RRM2: variants seen among roughly 807,000 people sequenced by gnomAD.
RRM2 encodes the protein ribonucleotide reductase regulatory subunit M2, also known as ribonucleoside-diphosphate reductase subunit M2.
A neutral mutation model predicts 45.9 loss-of-function variants in RRM2; 6 were observed. The ratio of observed to expected loss-of-function variants is 0.13; its 90% CI spans 0.07 to 0.26. RRM2 has a LOEUF of 0.26. Among genes scored for constraint, RRM2 ranks in the 10% least tolerant of loss-of-function variants. The pLI is 1.00. For synonymous variants in RRM2, 177 were observed against 173.0 expected (o/e 1.02, Z -0.18); for missense variants, 343 against 489.5 (o/e 0.70, Z 2.82).
rs192109952 is a variant in RRM2 at position 10,189,241 on chromosome 2, C to T, written n.483-21070C>T. 1.2e-3 allele frequency among the ~76,000 whole-genome samples: 189 copies of T among 152,346 alleles called. 2 individuals are homozygous for T. Among genetic ancestry groups the T allele is most frequent in the African/African-American group, 4.0e-3 (167 of 41,576 alleles). On this transcript the variant is annotated intron_variant and non_coding_transcript_variant, in intron 3 of 3. Coordinates refer to the RRM2 transcript ENST00000381786. The stretch of plus-strand genomic sequence containing the variant: ...AGTGGGCCAGCCCCCTCCCTTCCTG[C>T]GGGCAGTGGCCCCTGCTCTTCAGGG...
chr2:10,196,227 G>A (rs926516006), intron 3 of RRM2, among the ~76,000 whole-genome samples: 7 of 152,190 alleles, frequency 4.6e-5, no homozygotes, highest in Admixed American at 6.5e-5. Context: ...GACAGAAGGC[G>A]CGGGGAGCAA....
In RRM2 at chr2:10,122,976, C is replaced by A. The variant is rs1252149387; in HGVS notation, c.100-7C>A. The A allele has an allele frequency of 1.9e-6, 3 of 1,550,146 alleles. No individual in the cohort carries two copies. In the African/African-American group the frequency reaches 4.1e-5, roughly 21 times the overall value. On this transcript the variant is annotated splice_region_variant and splice_polypyrimidine_tract_variant and intron_variant, in intron 1 of 9. Coordinates refer to ENST00000304567, the MANE Select transcript of RRM2 (RefSeq NM_001034.4). ...GCCGCTCCTCACTCACACGCGTCTC[C>A]CCGCAGCCGCCGGCCCTGAGCGGGA...
At chr2:10,133,342 C>T (rs1268077672), downstream of RRM2, among the ~76,000 whole-genome samples, 2 of 152,222 alleles carry the variant, frequency 1.3e-5, no homozygotes, top group African/African-American at 2.4e-5. Flanking sequence ...AAAAGCAGAC[C>T]TACCAAAACC....
At chr2:10,124,343 T>A (rs946501370) in intron 4 of RRM2, among the ~76,000 whole-genome samples, 1 of 152,178 alleles carries the variant, frequency 6.6e-6, no homozygotes, top group African/African-American at 2.4e-5. Flanking sequence ...TGACCTCAGG[T>A]GATCCACCCA....
At chr2:10,144,635 T>C (rs1317799734) in intron 3 of RRM2, among the ~76,000 whole-genome samples, 1 of 152,188 alleles carries the variant, frequency 6.6e-6, no homozygotes, top group Non-Finnish European at 1.5e-5. Flanking sequence ...AGCCAAGTTG[T>C]TGAGAAATTG....
In RRM2 at chr2:10,124,671, C is replaced by T. The variant is rs200163548; in HGVS notation, c.436-46C>T. ...TGCCAGTATCCGTTGACAGTTGCTG[C>T]TGTTGGTTTTTTCTCAAGCTTAACT... On this transcript the variant is annotated intron_variant, in intron 4 of 9. Transcript: ENST00000304567. The T allele has an allele frequency of 1.1e-4, 175 of 1,609,472 alleles. No individual in the cohort carries two copies. The African/African-American group carries it at 2.2e-3, about 20-fold the overall frequency.
intron 3 of RRM2, among the ~76,000 whole-genome samples, chr2:10,194,685 G>T (rs1664377548): frequency 1.3e-5 from 2 of 152,230 alleles, no homozygotes; most frequent in South Asian, 4.1e-4. Flanking sequence ...AAGTGCCTCT[G>T]CCTTTTACTC....
chr2:10,159,157 GT>G (rs1663499333), intron 3 of RRM2, among the ~76,000 whole-genome samples: 1 of 152,136 alleles, frequency 6.6e-6, no homozygotes, highest in Admixed American at 6.6e-5. Flanking sequence ...CAAAGGGGCT[GT>G]ATCCCTAAAT....
At chr2:10,167,518 T>C (rs1396740450) in intron 3 of RRM2, among the ~76,000 whole-genome samples, 1 of 152,224 alleles carries the variant, frequency 6.6e-6, no homozygotes. Flanking sequence ...CGCTGCGCCC[T>C]GCCTTGCTTC....
rs531512762 is a variant in RRM2, at chr2:10,195,854, G to A, written n.483-14457G>A. ...GGATAAACGTGCTAAGGAGGCTCTG[G>A]AAAAGAATTTTCCTGCTTGGACAAG... On this transcript the variant is annotated intron_variant and non_coding_transcript_variant, in intron 3 of 3. Coordinates refer to the RRM2 transcript ENST00000381786. The surrounding 1 kb of genome is among the most constrained non-coding windows in gnomAD (Gnocchi z 4.9). 2.0e-5 allele frequency among the ~76,000 whole-genome samples: 3 copies of A among 152,320 alleles called. No individual in the cohort carries two copies. In the South Asian group the frequency reaches 6.2e-4, roughly 32 times the overall value.
intron 3 of RRM2, among the ~76,000 whole-genome samples, chr2:10,167,286 G>A (rs1663702661): frequency 6.6e-6 from 1 of 152,190 alleles, no homozygotes; most frequent in Non-Finnish European, 1.5e-5. Context: ...CCAGTGAAGG[G>A]CAAATGACTG....
chr2:10,151,313 TTG>T (rs1260290946), intron 3 of RRM2, among the ~76,000 whole-genome samples: 486 of 22,896 alleles, frequency 0.021, 8 homozygotes, highest in African/African-American at 0.092. Context: ...TTTTTTTTTT[TTG>T]TAGACAGAGT....
chr2:10,125,555 G>A (rs570415424), intron 5 of RRM2, among the ~76,000 whole-genome samples: 14 of 152,294 alleles, frequency 9.2e-5, no homozygotes, highest in African/African-American at 3.1e-4. Context: ...AATAAAAAAA[G>A]TGGTGGCGGG....
intron 3 of RRM2, among the ~76,000 whole-genome samples, chr2:10,178,698 CAG>C (rs1663983065): frequency 6.6e-6 from 1 of 152,154 alleles, no homozygotes; most frequent in Non-Finnish European, 1.5e-5. Flanking sequence ...GAGAGTCATC[CAG>C]GTTGCTGTGT....
intron 3 of RRM2, among the ~76,000 whole-genome samples, chr2:10,196,773 G>A (rs567512451): frequency 6.6e-5 from 10 of 152,366 alleles, no homozygotes; most frequent in Admixed American, 1.3e-4. Flanking sequence ...AGCCAGAGCC[G>A]GGAGGCCAGA....
intron 3 of RRM2, among the ~76,000 whole-genome samples, chr2:10,181,638 C>G (rs1664048210): frequency 6.6e-6 from 1 of 151,184 alleles, no homozygotes; most frequent in Non-Finnish European, 1.5e-5. Flanking sequence ...CCTGCACATA[C>G]AAGTTTTGAT....
chr2:10,140,733 A>G (rs982654349), upstream of RRM2, among the ~76,000 whole-genome samples: 4 of 152,230 alleles, frequency 2.6e-5, no homozygotes, highest in African/African-American at 9.6e-5. Context: ...GATAGAGAGG[A>G]AGGTGTCCCA....
Position 10,123,813 on chromosome 2 carries a change from T to G in RRM2, c.396T>G (p.Ala132=). The G allele has an allele frequency of 3.1e-6, 5 of 1,611,234 alleles. No individual in the cohort carries two copies. Among genetic ancestry groups the G allele is most frequent in the Non-Finnish European group, 4.2e-6 (5 of 1,177,334 alleles). ...EERYFISHVL[A]FFAASDGIVN... ...GATATTTTATATCCCATGTTCTGGCTTTCTTTGCAGCAAGCGATGGCATAG... is the reference window on the plus strand; with the variant it reads ...GATATTTTATATCCCATGTTCTGGCGTTCTTTGCAGCAAGCGATGGCATAG... Residue 132 remains alanine, a synonymous_variant, in exon 4 of 10, where the codon GCT becomes GCG. Coordinates refer to ENST00000304567, the MANE Select transcript of RRM2 (RefSeq NM_001034.4).
chr2:10,124,370 T>G (rs1346084801), intron 4 of RRM2, among the ~76,000 whole-genome samples: 1 of 152,198 alleles, frequency 6.6e-6, no homozygotes, highest in African/African-American at 2.4e-5. Context: ...CCTCCCAAAG[T>G]GTTGGGATTA....
Sources: gnomAD v4.1 joint callset for allele counts (sites outside exome capture counted in the v4.1 genomes callset) on GRCh38, gnomAD v4.1.1 for gene constraint, Gnocchi (gnomAD v3.1) non-coding constraint, MANE v1.5 for transcripts, NCBI Gene and HGNC (gene_info 2026-07-23, HGNC 2026-07-21) for gene names.